Variants in PAQR3 observed in about 807,000 individuals in gnomAD.
The protein encoded by PAQR3 is Raf kinase trapping to Golgi.
PAQR3 carries 39 observed loss-of-function variants against 41.7 expected under a neutral mutation model. The observed-to-expected ratio is 0.93, with a 90% CI of 0.72 to 1.22. PAQR3 has a LOEUF of 1.22. Among genes scored for constraint, PAQR3 ranks in the 50% most tolerant of loss-of-function variants. The probability of loss-of-function intolerance (pLI) is 0.00; values close to 1 mark genes in which losing one functional copy is unlikely to be tolerated. For missense variants in PAQR3, 366 were observed against 385.6 expected (o/e 0.95, Z 0.42); for synonymous variants, 140 against 140.6 (o/e 1.00, Z 0.03).
intron 2 of PAQR3, among the ~76,000 whole-genome samples, chr4:78,932,399 C>T (rs1022756489): frequency 5.9e-5 from 9 of 152,162 alleles, no homozygotes; most frequent in African/African-American, 2.2e-4. Flanking sequence ...GGGGAAAGAT[C>T]CCATTGCCAC....
At chr4:78,890,743 G>C (rs1346759367) in intron 11 of PAQR3, among the ~76,000 whole-genome samples, 1 of 152,096 alleles carries the variant, frequency 6.6e-6, no homozygotes, top group South Asian at 2.1e-4. Flanking sequence ...AATCAGAACT[G>C]GTTGCTTTCT....
chr4:78,903,619 TTTG>T (rs1222935798), intron 11 of PAQR3, among the ~76,000 whole-genome samples: 1 of 152,030 alleles, frequency 6.6e-6, no homozygotes, highest in Non-Finnish European at 1.5e-5. Context: ...TCTCATGGAT[TTTG>T]TAAAGTTGAG....
intron 11 of PAQR3, among the ~76,000 whole-genome samples, chr4:78,890,404 G>A (rs984630312): frequency 9.5e-5 from 14 of 148,078 alleles, no homozygotes; most frequent in Admixed American, 2.0e-4. Context: ...ACAATCATGC[G>A]CACACACACA....
At chr4:78,905,466 A>G (rs12644685) in intron 11 of PAQR3, among the ~76,000 whole-genome samples, 10,492 of 151,972 alleles carry the variant, frequency 0.069, 503 homozygotes, top group East Asian at 0.22. Flanking sequence ...TTCACAGTAT[A>G]CTAAAATAAT....
At chr4:78,894,439 G>A (rs758002754) in intron 11 of PAQR3, among the ~76,000 whole-genome samples, 3 of 152,166 alleles carry the variant, frequency 2.0e-5, no homozygotes, top group Non-Finnish European at 2.9e-5. Context: ...ACATGTTCTG[G>A]AGATGGCTTC....
At chr4:78,901,173 A>T (rs1560554221) in intron 11 of PAQR3, among the ~76,000 whole-genome samples, 2 of 152,020 alleles carry the variant, frequency 1.3e-5, no homozygotes, top group African/African-American at 4.8e-5. Context: ...CCTCCCAAGT[A>T]GCTGGGACTA....
intron 11 of PAQR3, among the ~76,000 whole-genome samples, chr4:78,904,476 T>G (rs1161341999): frequency 6.6e-6 from 1 of 151,978 alleles, no homozygotes; most frequent in South Asian, 2.1e-4. Context: ...GTAATTTTCC[T>G]GAGAGACTGT....
rs553402886 is a variant in PAQR3, at chr4:78,931,290, C to A, written c.349-965G>T. Among the ~76,000 whole-genome samples, 3 of 151,346 alleles carry A rather than the reference C, an allele frequency of 2.0e-5. No individual in the cohort carries two copies. The East Asian group carries it at 5.8e-4, about 29-fold the overall frequency. On this transcript the variant is annotated intron_variant, in intron 2 of 5. Transcript: ENST00000512733. Reference sequence around the variant, plus strand: ...GGAGGATTACTTGAGCTTGGGAGATCGAGGCTGCAGTGAGCCGTGACTGCC... The same window carrying A: ...GGAGGATTACTTGAGCTTGGGAGATAGAGGCTGCAGTGAGCCGTGACTGCC...
Position 78,914,693 on chromosome 4 carries a change from G to T in PAQR3, c.*5846C>A, listed in dbSNP as rs1050108054. 1.3e-5 allele frequency: 2 copies of T among 148,534 alleles called. No homozygotes were observed. Among genetic ancestry groups the T allele is most frequent in the African/African-American group, 5.0e-5 (2 of 39,964 alleles). 9.2% of individuals were successfully genotyped at this position (148,534 alleles called of 1,614,324 possible). On this transcript the variant is annotated 3_prime_UTR_variant, in exon 6 of 6. Transcript: ENST00000512733. ...AATTCTGGTTTAAGGAAGGAAGAAAGGTTATTATATATGTACCACTAAGCA... is the reference window on the plus strand; with the variant it reads ...AATTCTGGTTTAAGGAAGGAAGAAATGTTATTATATATGTACCACTAAGCA...
At chr4:78,929,339 A>G (rs1736580028) in intron 3 of PAQR3, among the ~76,000 whole-genome samples, 1 of 152,256 alleles carries the variant, frequency 6.6e-6, no homozygotes, top group African/African-American at 2.4e-5. Context: ...AAAAACAGGA[A>G]GAAAACAAAG....
intron 2 of PAQR3, 111 bp downstream of exon 2, chr4:78,935,010 C>T: frequency 1.1e-6 from 1 of 878,698 alleles, no homozygotes; most frequent in Non-Finnish European, 1.8e-6. Context: ...GACCAACATG[C>T]CATTCCGGGG....
chr4:78,929,159 C>T (rs906512071), intron 3 of PAQR3, among the ~76,000 whole-genome samples: 4 of 152,162 alleles, frequency 2.6e-5, no homozygotes, highest in Non-Finnish European at 4.4e-5. Flanking sequence ...GTTGGTGACC[C>T]CTTCCTTAGA....
chr4:78,894,186 T>C (rs116357624), intron 11 of PAQR3, among the ~76,000 whole-genome samples: 1 of 152,218 alleles, frequency 6.6e-6, no homozygotes, highest in Admixed American at 6.5e-5. Flanking sequence ...GAATGGCAAG[T>C]AAGCATTGGT....
intron 11 of PAQR3, among the ~76,000 whole-genome samples, chr4:78,895,305 G>T (rs1290534581): frequency 6.6e-6 from 1 of 152,124 alleles, no homozygotes; most frequent in African/African-American, 2.4e-5. Flanking sequence ...ATTTTACACT[G>T]ATCTTTTTAA....
At position 78,918,501 on chromosome 4, in the gene PAQR3, T is replaced by C; in HGVS notation, c.*2038A>G. The C allele has an allele frequency of 1.0e-6, 1 of 962,976 alleles. No individual in the cohort carries two copies. Among genetic ancestry groups the C allele is most frequent in the Non-Finnish European group, 1.2e-6 (1 of 809,290 alleles). The allele number at this position is 962,976 out of a possible 1,614,324, so 59.7% of individuals were successfully genotyped here. A position where few individuals can be genotyped will look rare whatever the true frequency, so the allele number is the denominator to read the frequency against. On this transcript the variant is annotated 3_prime_UTR_variant, in exon 6 of 6. Coordinates refer to ENST00000512733, the MANE Select transcript of PAQR3 (RefSeq NM_001040202.2). ...GTGAAAAAATGAGAGGATAACTTTC[T>C]TACAATATTTAACATTTTCATACAG...
At chr4:78,907,772 GTTC>G (rs1249621520), downstream of PAQR3, among the ~76,000 whole-genome samples, 5 of 152,096 alleles carry the variant, frequency 3.3e-5, no homozygotes, top group African/African-American at 1.2e-4. Flanking sequence ...GTTTGTCTTG[GTTC>G]TTGTTAGGGA....
downstream of PAQR3, chr4:78,911,096 C>G: frequency 6.2e-7 from 1 of 1,614,010 alleles, no homozygotes; most frequent in South Asian, 1.1e-5. Flanking sequence ...GCAGTGGAGA[C>G]TCCCAAACAG....
intron 11 of PAQR3, among the ~76,000 whole-genome samples, chr4:78,899,715 G>T (rs924113393): frequency 6.6e-6 from 1 of 152,062 alleles, no homozygotes; most frequent in Non-Finnish European, 1.5e-5. Flanking sequence ...AGGGTTACAG[G>T]GTTAGGGTGA....
chr4:78,902,399 C>T (rs952587556), intron 11 of PAQR3, among the ~76,000 whole-genome samples: 2 of 151,966 alleles, frequency 1.3e-5, no homozygotes, highest in African/African-American at 4.8e-5. Flanking sequence ...TCTTCTTATA[C>T]TCAAACCCTG....
Sources: allele counts gnomAD v4.1 joint callset (sites outside exome capture counted in the v4.1 genomes callset), GRCh38; gene constraint gnomAD v4.1.1; transcripts MANE v1.5; gene names NCBI Gene and HGNC (gene_info 2026-07-23, HGNC 2026-07-21).